BCL6: variants seen among roughly 807,000 people sequenced by gnomAD.
BCL6 encodes B-cell lymphoma 6 protein.
BCL6 carries 7 observed loss-of-function variants against 59.5 expected under a neutral mutation model. That is an observed-to-expected ratio of 0.12 (90% CI 0.07 to 0.22). The LOEUF is 0.22. Among genes scored for constraint, BCL6 ranks in the 10% least tolerant of loss-of-function variants. The pLI, the probability that BCL6 is intolerant of heterozygous loss-of-function variation, is 1.00. For missense variants in BCL6, 685 were observed against 939.4 expected (o/e 0.73, Z 3.54); for synonymous variants, 339 against 349.7 (o/e 0.97, Z 0.34).
intron 6 of BCL6, 107 bp downstream of exon 6, chr3:187,728,253 G>T: frequency 8.4e-7 from 1 of 1,187,462 alleles, no homozygotes; most frequent in Non-Finnish European, 1.2e-6. Flanking sequence ...TCCAATTGAG[G>T]ACTGCTCCAA....
chr3:187,728,990 C>T (rs903862291), intron 5 of BCL6, 60 bp downstream of exon 5: 376 of 1,500,716 alleles, frequency 2.5e-4, no homozygotes, highest in Non-Finnish European at 3.1e-4. Flanking sequence ...AAAGAAGAAA[C>T]GACATGGAAC....
chr3:187,735,003 T>G (rs1719222107), intron 1 of BCL6, 96 bp from the exon 2 acceptor site: 1 of 152,650 alleles, frequency 6.6e-6, no homozygotes, highest in South Asian at 2.1e-4. Context: ...TTAGTTTTGC[T>G]TTGATAGTTG....
chr3:187,745,096 A>T, intron 1 of BCL6, among the ~76,000 whole-genome samples: 1 of 152,142 alleles, frequency 6.6e-6, no homozygotes, highest in East Asian at 1.9e-4. Flanking sequence ...GCCTCCCCAA[A>T]CCGGCCGATT....
chr3:187,737,749 T>C (rs959427671), intron 1 of BCL6: 1 of 116,080 alleles, frequency 8.6e-6, no homozygotes, highest in African/African-American at 3.1e-5. Flanking sequence ...ATTGTGTGTA[T>C]GCCTTTTTTT....
intron 6 of BCL6, among the ~76,000 whole-genome samples, chr3:187,727,416 G>GACATTGA (rs1718768701): frequency 6.6e-6 from 1 of 152,232 alleles, no homozygotes; most frequent in Non-Finnish European, 1.5e-5. Context: ...AGGAATGTAA[G>GACATTGA]ATATAGGTCA....
intron 1 of BCL6, among the ~76,000 whole-genome samples, chr3:187,735,279 G>T (rs13318290): frequency 2.0e-5 from 3 of 152,262 alleles, no homozygotes; most frequent in South Asian, 2.1e-4. Flanking sequence ...TAACAATAAC[G>T]ATTCGTCCGT....
chr3:187,722,158 T>C lies in BCL6; in HGVS notation c.*300A>G, dbSNP rs1167596276. The C allele has an allele frequency of 3.5e-6, 1 of 288,512 alleles. No individual in the cohort carries two copies. Among genetic ancestry groups the C allele is most frequent in the Non-Finnish European group, 6.4e-6 (1 of 155,114 alleles). 17.9% of individuals were successfully genotyped at this position (288,512 alleles called of 1,614,324 possible). On this transcript the variant is annotated 3_prime_UTR_variant, in exon 10 of 10. Coordinates refer to ENST00000406870, the MANE Select transcript of BCL6 (RefSeq NM_001706.5). ...CAGACTAAAGTCAAGTCAGAACTTTTGCATACTCCCCTGCTTTGACATATA... is the reference window on the plus strand; with the variant it reads ...CAGACTAAAGTCAAGTCAGAACTTTCGCATACTCCCCTGCTTTGACATATA...
intron 6 of BCL6, among the ~76,000 whole-genome samples, chr3:187,727,796 C>T (rs928025147): frequency 1.3e-5 from 2 of 152,164 alleles, no homozygotes; most frequent in Non-Finnish European, 2.9e-5. Flanking sequence ...CAGAGCTGGG[C>T]GAAGATTTAG....
rs1718463504 is a variant in BCL6 at position 187,722,364 on chromosome 3, A to G, written c.*94T>C. 1 of 1,048,926 alleles carries G rather than the reference A, an allele frequency of 9.5e-7. No individual in the cohort carries two copies. The highest frequency in any genetic ancestry group is 1.2e-6 in the Non-Finnish European group (1 of 831,248). 65.0% of individuals were successfully genotyped at this position (1,048,926 alleles called of 1,614,324 possible). ...ATTTGCACTAGTGGATGAAAGAGGC[A>G]CTACATCATGGGATGAACATTGTAA... On this transcript the variant is annotated 3_prime_UTR_variant, in exon 10 of 10. Coordinates refer to ENST00000406870, the MANE Select transcript of BCL6 (RefSeq NM_001706.5).
chr3:187,743,109 C>T (rs1711672871), intron 1 of BCL6, among the ~76,000 whole-genome samples: 1 of 151,940 alleles, frequency 6.6e-6, no homozygotes, highest in Non-Finnish European at 1.5e-5. Flanking sequence ...AAGCCGGTGG[C>T]ATCGCTCAGA....
chr3:187,729,907 G>A lies in BCL6; in HGVS notation c.498C>T (p.Asn166=). ...ACCCAGGGGCGCTCCTCAGTGGCAG[G>A]TTGTTCTCCACCACCTCACGACCCC... is the stretch of plus-strand genomic sequence containing the variant. ...AYRGREVVEN[N]LPLRSAPGCE... Residue 166 remains asparagine, a synonymous_variant, in exon 5 of 10, where the codon AAC becomes AAT. Transcript: ENST00000406870. The surrounding 1 kb of genome is among the most constrained non-coding windows in gnomAD (Gnocchi z 5.6). The A allele has an allele frequency of 6.2e-7, 1 of 1,614,090 alleles. No homozygotes were observed. The highest frequency in any genetic ancestry group is 8.5e-7 in the Non-Finnish European group (1 of 1,180,014).
At chr3:187,743,526 T>G in intron 1 of BCL6, among the ~76,000 whole-genome samples, 1 of 152,186 alleles carries the variant, frequency 6.6e-6, no homozygotes, top group East Asian at 1.9e-4. Flanking sequence ...AGGGTCTTTT[T>G]TCATTTTTTT....
intron 1 of BCL6, among the ~76,000 whole-genome samples, chr3:187,740,515 G>T (rs929937566): frequency 2.0e-5 from 3 of 152,166 alleles, no homozygotes; most frequent in Non-Finnish European, 4.4e-5. Flanking sequence ...TGACCTAAGA[G>T]GTTAAACTCA....
chr3:187,741,809 A>G (rs1711607751), intron 1 of BCL6, among the ~76,000 whole-genome samples: 2 of 152,200 alleles, frequency 1.3e-5, no homozygotes, highest in Non-Finnish European at 2.9e-5. Context: ...CGGCAAAACT[A>G]CAGCATTTCC....
intron 1 of BCL6, among the ~76,000 whole-genome samples, chr3:187,735,855 A>G (rs1719259278): frequency 6.6e-6 from 1 of 151,888 alleles, no homozygotes; most frequent in Non-Finnish European, 1.5e-5. Flanking sequence ...AAAAAGCAGA[A>G]CCTTTTAGAG....
At position 187,729,407 on chromosome 3, in the gene BCL6, C is replaced by T; in HGVS notation, c.998G>A (p.Ser333Asn). The change falls in exon 5 of 10, where the codon AGC becomes AAC. Residue 333 changes from serine (S) to asparagine (N), a missense_variant. By Grantham distance (46) the Ser-to-Asn change is conservative. Around this residue, in one of 7 missense-constraint regions of BCL6, gnomAD observed 28 missense variants for 66.4 expected, o/e 0.42. Coordinates refer to ENST00000406870, the MANE Select transcript of BCL6 (RefSeq NM_001706.5). The surrounding 1 kb of genome is among the most constrained non-coding windows in gnomAD (Gnocchi z 5.6). ...GGGCTGGCAGTCAGATTTCTGGGGGCTCTGTGGACTAACCAGACCCTTCCG... is the reference window on the plus strand; with the variant it reads ...GGGCTGGCAGTCAGATTTCTGGGGGTTCTGTGGACTAACCAGACCCTTCCG... ...LNRKGLVSPQ[S>N]PQKSDCQPNS... 6.2e-7 allele frequency: 1 copy of T among 1,612,576 alleles called. No individual in the cohort carries two copies. Among genetic ancestry groups the T allele is most frequent in the Non-Finnish European group, 8.5e-7 (1 of 1,179,358 alleles).
At chr3:187,723,267 T>C (rs369176952) in intron 9 of BCL6, among the ~76,000 whole-genome samples, 61 of 152,300 alleles carry the variant, frequency 4.0e-4, no homozygotes, top group African/African-American at 1.3e-3. Context: ...AGTGGAGCCG[T>C]TTCTTGATTT....
intron 6 of BCL6, 32 bp from the exon 7 acceptor site, chr3:187,726,930 C>T: frequency 6.2e-7 from 1 of 1,611,162 alleles, no homozygotes; most frequent in Non-Finnish European, 8.5e-7. Context: ...ACACCAAAGT[C>T]AGCACGAGGA....
chr3:187,737,654 G>C (rs977028792), intron 1 of BCL6: 1 of 152,258 alleles, frequency 6.6e-6, no homozygotes, highest in Non-Finnish European at 1.5e-5. Context: ...CCCGCAAGGC[G>C]CGACGGAGGC....
Sources: allele counts gnomAD v4.1 joint callset (sites outside exome capture counted in the v4.1 genomes callset), GRCh38; gene constraint gnomAD v4.1.1; regional missense constraint gnomAD v4.1.1; non-coding constraint Gnocchi (gnomAD v3.1); transcripts MANE v1.5; gene names NCBI Gene and HGNC (gene_info 2026-07-23, HGNC 2026-07-21).